Variants in SRRM2 observed in about 807,000 individuals in gnomAD.
SRRM2 encodes the protein serine/arginine repetitive matrix protein 2.
Under a neutral mutation model 213.8 loss-of-function variants are expected in SRRM2, and 30 were observed. That is an observed-to-expected ratio of 0.14 (90% CI 0.10 to 0.19). The LOEUF (loss-of-function observed/expected upper bound fraction) is 0.19, where lower values mean the gene tolerates loss of function less well. Ranked by LOEUF, SRRM2 falls within the 10% of genes least tolerant of loss-of-function variation. SRRM2 has a pLI of 1.00. For synonymous variants in SRRM2, 2,025 were observed against 1,377.7 expected (o/e 1.47, Z -10.40); for missense variants, 4,904 against 3,647.0 (o/e 1.34, Z -8.88).
In SRRM2 at chr16:2,760,486, A is replaced by C. The variant is rs2068301885; in HGVS notation, c.1019A>C (p.Lys340Thr). ...AGCAGCCCTTATGAAGACAAAGATA[A>C]AGACAAGAAGGAGGTATGTTCCTGA... Reference protein sequence around the residue: ...QPSSPYEDKDKDKKEKSATRP... With the variant: ...QPSSPYEDKDTDKKEKSATRP... Residue 340 changes from lysine to threonine, a missense_variant, in exon 10 of 15, where the codon AAA (lysine) becomes ACA (threonine). Transcript: ENST00000301740. 4 of 1,614,074 alleles carry C rather than the reference A, an allele frequency of 2.5e-6. No homozygotes were observed. The highest frequency in any genetic ancestry group is 2.5e-6 in the Non-Finnish European group (3 of 1,180,032).
At chr16:2,769,817 C>G (rs1276000059) in intron 12 of SRRM2, 1 of 466,218 alleles carries the variant, frequency 2.1e-6, no homozygotes, top group Admixed American at 2.3e-5. Flanking sequence ...CTTGCCCGCC[C>G]TGTGTTCTCC....
At position 2,760,297 on chromosome 16, in the gene SRRM2, G is replaced by C; in HGVS notation, c.834-4G>C. 1.9e-6 allele frequency: 3 copies of C among 1,612,214 alleles called. No homozygotes were observed. Among genetic ancestry groups the C allele is most frequent in the Non-Finnish European group, 2.5e-6 (3 of 1,179,762 alleles). On this transcript the variant is annotated splice_polypyrimidine_tract_variant and splice_region_variant and intron_variant, in intron 9 of 14. Transcript: ENST00000301740. The stretch of plus-strand genomic sequence containing the variant: ...TCTCCCACGTCCTCAATTAACTCCT[G>C]CAGGTCTCGAAGTGCTGCAGCTAAA...
chr16:2,767,019 T>G lies in SRRM2; in HGVS notation c.6491T>G (p.Ile2164Arg). The G allele has an allele frequency of 6.2e-7, 1 of 1,614,138 alleles. No homozygotes were observed. ...ATGATGGATGGTCCAGGTCCCCGAA[T>G]ACCTGACCACCAGAGAACATCTGTG... The part of the protein sequence containing the change: ...GSMMDGPGPR[I>R]PDHQRTSVPE... Residue 2164 changes from isoleucine (I) to arginine (R), a missense_variant, in exon 11 of 15, where the codon ATA (isoleucine) becomes AGA (arginine). By Grantham distance (97) the Ile-to-Arg change is moderately conservative. Coordinates refer to ENST00000301740, the MANE Select transcript of SRRM2 (RefSeq NM_016333.4).
chr16:2,769,424 C>G, intron 12 of SRRM2, 140 bp downstream of exon 12: 1 of 980,836 alleles, frequency 1.0e-6, no homozygotes, highest in Non-Finnish European at 1.5e-6. Context: ...ACTTGCTCTC[C>G]TCTCCCCATG....
Position 2,767,045 on chromosome 16 carries a change from C to T in SRRM2, c.6517C>T (p.Pro2173Ser). 1 of 1,614,194 alleles carries T rather than the reference C, an allele frequency of 6.2e-7. No homozygotes were observed. Among genetic ancestry groups the T allele is most frequent in the African/African-American group, 1.3e-5 (1 of 75,048 alleles). The stretch of plus-strand genomic sequence containing the variant: ...ACCTGACCACCAGAGAACATCTGTG[C>T]CAGAAAATCATGCTCAGTCCAGGAT... The part of the protein sequence containing the change: ...RIPDHQRTSV[P>S]ENHAQSRIAL... The change falls in exon 11 of 15, where the codon CCA becomes TCA. Residue 2173 changes from proline to serine, a missense_variant. By Grantham distance (74) the Pro-to-Ser change is moderately conservative (BLOSUM62 -1). Transcript: ENST00000301740.
In SRRM2 at chr16:2,765,913, G is replaced by A; in HGVS notation, c.5385G>A (p.Gln1795=). 1.9e-6 allele frequency: 3 copies of A among 1,614,204 alleles called. No homozygotes were observed. The highest frequency in any genetic ancestry group is 2.2e-5 in the East Asian group (1 of 44,866). ...TRRRDRSGSS[Q]STSRRRQRSR... ...GTCGAGATAGGTCTGGATCTTCTCA[G>A]TCAACCTCTCGGCGAAGACAGCGGA... Residue 1795 remains glutamine (Q), a synonymous_variant, in exon 11 of 15, where the codon CAG becomes CAA. Coordinates refer to ENST00000301740, the MANE Select transcript of SRRM2 (RefSeq NM_016333.4).
Position 2,769,248 on chromosome 16 carries a change from C to G in SRRM2, c.7985C>G (p.Pro2662Arg). 3 of 1,574,080 alleles carry G rather than the reference C, an allele frequency of 1.9e-6. No individual in the cohort carries two copies. Among genetic ancestry groups the G allele is most frequent in the Non-Finnish European group, 2.6e-6 (3 of 1,159,308 alleles). The change falls in exon 12 of 15, where the codon CCT becomes CGT. Residue 2662 changes from proline (P) to arginine (R), a missense_variant. Pro to Arg is a moderately radical substitution (Grantham distance 103, BLOSUM62 -2). Transcript: ENST00000301740. ...AKPGPQALPK[P>R]ASPKKPPPGE... is the part of the protein sequence containing the mutation. ...CCTGGCCCTCAGGCCTTGCCCAAAC[C>G]TGCAAGCCCCAAGAAGCCACCCCCT...
chr16:2,758,084 G>T (rs3094779), intron 4 of SRRM2, 139 bp downstream of exon 4: 1,050,443 of 1,091,172 alleles, frequency 0.96, 509,123 homozygotes, highest in African/African-American at 0.99. Context: ...CCAAAAAAAT[G>T]TGTCCAAGGG....
chr16:2,769,768 C>G (rs1424194123), intron 12 of SRRM2: 3 of 466,934 alleles, frequency 6.4e-6, no homozygotes, highest in Non-Finnish European at 1.3e-5. Flanking sequence ...AAAGCCCCAC[C>G]TCTGCGGGAG....
chr16:2,767,666 C>T lies in SRRM2; in HGVS notation c.7138C>T (p.Leu2380Phe). Residue 2380 changes from leucine (L) to phenylalanine (F), a missense_variant, in exon 11 of 15, where the codon CTC (leucine) becomes TTC (phenylalanine). By Grantham distance (22) the Leu-to-Phe change is conservative. Transcript: ENST00000301740. ...RMAPALSGAN[L>F]TSPRVPLSAY... The stretch of plus-strand genomic sequence containing the variant: ...GGCTCCAGCATTGTCTGGTGCAAAC[C>T]TCACCAGCCCCAGGGTGCCCCTTTC... The T allele has an allele frequency of 1.2e-6, 2 of 1,614,108 alleles. No homozygotes were observed. Among genetic ancestry groups the T allele is most frequent in the Non-Finnish European group, 1.7e-6 (2 of 1,180,022 alleles).
intron 1 of SRRM2, among the ~76,000 whole-genome samples, chr16:2,753,087 C>T (rs965169916): frequency 2.0e-5 from 3 of 150,584 alleles, no homozygotes; most frequent in Non-Finnish European, 4.4e-5. Flanking sequence ...CGCCTGTACT[C>T]GGGTTCGCGA....
In SRRM2 at chr16:2,766,106, C is replaced by T; in HGVS notation, c.5578C>T (p.Pro1860Ser). ...KRSRSRTSPAPWKRSRSRASP... is the reference protein window; with the variant it reads ...KRSRSRTSPASWKRSRSRASP... The stretch of plus-strand genomic sequence containing the variant: ...TTCTCGCTCACGCACATCACCAGCC[C>T]CGTGGAAACGCTCTAGATCTCGAGC... Residue 1860 changes from proline (P) to serine (S), a missense_variant, in exon 11 of 15, where the codon CCG becomes TCG. Physicochemically the swap from Pro to Ser is moderately conservative, Grantham distance 74. Coordinates refer to ENST00000301740, the MANE Select transcript of SRRM2 (RefSeq NM_016333.4). This position sits in a 1 kb window ranked among gnomAD's most constrained non-coding sequence, Gnocchi z 7.0. 1 of 1,614,164 alleles carries T rather than the reference C, an allele frequency of 6.2e-7. No homozygotes were observed. Among genetic ancestry groups the T allele is most frequent in the Non-Finnish European group, 8.5e-7 (1 of 1,180,030 alleles).
rs745930868 is a variant in SRRM2, at chr16:2,764,109, A to G, written c.3581A>G (p.Asp1194Gly). The stretch of plus-strand genomic sequence containing the variant: ...AAATTTAGTCCCTTTCCAGTACAGG[A>G]TAGGCCTGAGTCTTCACTGGTATTC... ...KDKFSPFPVQ[D>G]RPESSLVFKD... Residue 1194 changes from aspartate (D) to glycine (G), a missense_variant, in exon 11 of 15, where the codon GAT becomes GGT. Asp to Gly is a moderately conservative substitution (Grantham distance 94). Transcript: ENST00000301740. The G allele has an allele frequency of 1.8e-5, 29 of 1,614,070 alleles. 1 individual carries two copies. The South Asian group carries it at 2.3e-4, about 13-fold the overall frequency.
chr16:2,759,128 T>C lies in SRRM2; in HGVS notation c.657-12T>C, dbSNP rs778433960. The C allele has an allele frequency of 1.9e-6, 3 of 1,613,980 alleles. No homozygotes were observed. Among genetic ancestry groups the C allele is most frequent in the Non-Finnish European group, 1.7e-6 (2 of 1,180,006 alleles). On this transcript the variant is annotated splice_polypyrimidine_tract_variant and intron_variant, in intron 6 of 14. Coordinates refer to ENST00000301740, the MANE Select transcript of SRRM2 (RefSeq NM_016333.4). ...GTGTTTCTTATGTTTTTTCTTCTCT[T>C]TTTTCCAACAGGTCAGAATCTGAGT...
chr16:2,757,602 A>G (rs1025639290), intron 3 of SRRM2, 23 bp downstream of exon 3: 13 of 1,607,318 alleles, frequency 8.1e-6, no homozygotes, highest in Non-Finnish European at 9.4e-6. Context: ...CTCTCCCTCG[A>G]TGACTCTGGA....
At position 2,763,362 on chromosome 16, in the gene SRRM2, C is replaced by A; in HGVS notation, c.2834C>A (p.Thr945Lys). The change falls in exon 11 of 15, where the codon ACA becomes AAA. Residue 945 changes from threonine to lysine, a missense_variant. Transcript: ENST00000301740. ...AGTCCTAGTAGGGTGACGTCGAGAA[C>A]AACTCCACGGCGAAGCAGATCAGTA... is the stretch of plus-strand genomic sequence containing the variant. The part of the protein sequence containing the change: ...SPSPSRVTSR[T>K]TPRRSRSVSP... The A allele has an allele frequency of 5.6e-6, 9 of 1,614,212 alleles. No homozygotes were observed. The highest frequency in any genetic ancestry group is 7.6e-6 in the Non-Finnish European group (9 of 1,180,044).
In SRRM2 at chr16:2,762,873, C is replaced by G. The variant is rs1478078215; in HGVS notation, c.2345C>G (p.Ser782Cys). ...TCTTTGAGGCGCAGCCTTTCAGGGT[C>G]TTCCCCATGCCCTAAACAAAAGTCA... ...RLSLRRSLSG[S>C]SPCPKQKSQT... The change falls in exon 11 of 15, where the codon TCT becomes TGT. Residue 782 changes from serine to cysteine, a missense_variant. Physicochemically the swap from Ser to Cys is moderately radical, Grantham distance 112. Coordinates refer to ENST00000301740, the MANE Select transcript of SRRM2 (RefSeq NM_016333.4). 1.9e-6 allele frequency: 3 copies of G among 1,614,062 alleles called. No homozygotes were observed. The highest frequency in any genetic ancestry group is 3.3e-5 in the Admixed American group (2 of 60,012).
At chr16:2,770,510 A>G (rs2068705422) in intron 13 of SRRM2, 45 bp downstream of exon 13, 2 of 1,571,148 alleles carry the variant, frequency 1.3e-6, no homozygotes, top group African/African-American at 1.4e-5. Context: ...TCTGGCCGCC[A>G]CTGCTTTCTA....
chr16:2,761,485 G>C (rs547694073), intron 10 of SRRM2, 76 bp from the exon 11 acceptor site: 2 of 1,217,950 alleles, frequency 1.6e-6, no homozygotes, highest in Non-Finnish European at 2.2e-6. Context: ...CATTGGAAAG[G>C]GTGTTGGGAT....
Sources: allele counts gnomAD v4.1 joint callset (sites outside exome capture counted in the v4.1 genomes callset), GRCh38; gene constraint gnomAD v4.1.1; non-coding constraint Gnocchi (gnomAD v3.1); transcripts MANE v1.5; gene names NCBI Gene and HGNC (gene_info 2026-07-23, HGNC 2026-07-21).